NKX2-6: variants seen among roughly 807,000 people sequenced by gnomAD.
NKX2-6 encodes the protein NK2 homeobox 6, also known as homeobox protein Nkx-2.6.
A neutral mutation model predicts 8.6 loss-of-function variants in NKX2-6; 8 were observed. That is an observed-to-expected ratio of 0.93 (90% confidence interval 0.54 to 1.67). The LOEUF (loss-of-function observed/expected upper bound fraction) is 1.67, where lower values mean the gene tolerates loss of function less well. Ranked by LOEUF, NKX2-6 falls within the 40% of genes most tolerant of loss-of-function variation. The pLI, the probability that NKX2-6 is intolerant of heterozygous loss-of-function variation, is 0.00. For synonymous variants in NKX2-6, 210 were observed against 199.3 expected (o/e 1.05, Z -0.45); for missense variants, 475 against 423.1 (o/e 1.12, Z -1.08).
Position 23,701,847 on chromosome 8 carries a change from C to G in NKX2-6, c.*604G>C, listed in dbSNP as rs1272486001. On this transcript the variant is annotated 3_prime_UTR_variant, in exon 2 of 2. Coordinates refer to ENST00000325017, the MANE Select transcript of NKX2-6 (RefSeq NM_001136271.3). ...CTACTTCCAGGAGAGCAGTCGTGGC[C>G]AGAAAAGAGTGCTCCTCTGGATTAA... 6.6e-6 allele frequency among the ~76,000 whole-genome samples: 1 copy of G among 152,116 alleles called. No individual in the cohort carries two copies. The highest frequency in any genetic ancestry group is 1.5e-5 in the Non-Finnish European group (1 of 68,022).
At chr8:23,703,126 C>T (rs1382104458) in intron 1 of NKX2-6, 44 bp from the exon 2 acceptor site, 5 of 1,517,308 alleles carry the variant, frequency 3.3e-6, no homozygotes, top group Middle Eastern at 2.3e-4. Context: ...GCCTAAGGCT[C>T]ACCTGAGCGG....
rs61749320 is a variant in NKX2-6 at position 23,702,571 on chromosome 8, G to C, written c.786C>G (p.Gly262=). The part of the protein sequence containing the change: ...YGAGYGTCYA[G]APSGPAPHTP... ...TGTGTGGCGCAGGACCCGAGGGCGC[G>C]CCCGCGTAGCAGGTGCCGTAGCCTG... Residue 262 remains glycine, a synonymous_variant, in exon 2 of 2, where the codon GGC becomes GGG. Coordinates refer to ENST00000325017, the MANE Select transcript of NKX2-6 (RefSeq NM_001136271.3). 3.3e-3 allele frequency: 5,082 copies of C among 1,543,934 alleles called. 156 individuals carry two copies. In the African/African-American group the frequency reaches 0.063, roughly 19 times the overall value.
Position 23,706,712 on chromosome 8 carries a change from C to G in NKX2-6, c.-114G>C, listed in dbSNP as rs1358064396. ...AGACCCAAGCTCTGGGACAGACGCC[C>G]AGCGTCCCAGACAGCGCCTTCCTCT... On this transcript the variant is annotated 5_prime_UTR_variant, in exon 1 of 2. Coordinates refer to ENST00000325017, the MANE Select transcript of NKX2-6 (RefSeq NM_001136271.3). The G allele has an allele frequency of 3.3e-6, 4 of 1,212,228 alleles. No homozygotes were observed. The highest frequency in any genetic ancestry group is 4.5e-6 in the Non-Finnish European group (4 of 890,644). 75.1% of individuals were successfully genotyped at this position (1,212,228 alleles called of 1,614,324 possible). A position where few individuals can be genotyped will look rare whatever the true frequency, so the allele number is the denominator to read the frequency against.
intron 1 of NKX2-6, among the ~76,000 whole-genome samples, chr8:23,703,631 G>A (rs1166695693): frequency 1.3e-5 from 2 of 152,096 alleles, no homozygotes; most frequent in Middle Eastern, 3.2e-3. Context: ...GGGAGGCGGA[G>A]CTTGCAGTGA....
intron 1 of NKX2-6, among the ~76,000 whole-genome samples, chr8:23,704,108 C>T (rs879799783): frequency 6.6e-6 from 1 of 152,202 alleles, no homozygotes; most frequent in Non-Finnish European, 1.5e-5. Flanking sequence ...AGCGCTCCAC[C>T]AACACCAGGG....
chr8:23,702,234 C>G lies in NKX2-6; in HGVS notation c.*217G>C, dbSNP rs757662324. On this transcript the variant is annotated 3_prime_UTR_variant, in exon 2 of 2. Transcript: ENST00000325017. ...GTCCCTGTGTTGCTTGGTGGGTGACCGGTGGAGGGGTCTTCTTTTGGGGGA... is the reference window on the plus strand; with the variant it reads ...GTCCCTGTGTTGCTTGGTGGGTGACGGGTGGAGGGGTCTTCTTTTGGGGGA... 2.0e-5 allele frequency among the ~76,000 whole-genome samples: 3 copies of G among 152,168 alleles called. No individual in the cohort carries two copies. The highest frequency in any genetic ancestry group is 6.5e-5 in the Admixed American group (1 of 15,270).
intron 1 of NKX2-6, among the ~76,000 whole-genome samples, chr8:23,705,350 T>A (rs932979594): frequency 2.0e-5 from 3 of 152,226 alleles, no homozygotes; most frequent in Non-Finnish European, 4.4e-5. Flanking sequence ...TTTCTTTCGT[T>A]CGCGCCTTGA....
At position 23,702,506 on chromosome 8, in the gene NKX2-6, T is replaced by G; in HGVS notation, c.851A>C (p.Asn284Thr). 6.5e-7 allele frequency: 1 copy of G among 1,526,804 alleles called. No individual in the cohort carries two copies. Among genetic ancestry groups the G allele is most frequent in the Non-Finnish European group, 8.8e-7 (1 of 1,136,650 alleles). 94.6% of individuals were successfully genotyped at this position (1,526,804 alleles called of 1,614,324 possible). A position where few individuals can be genotyped will look rare whatever the true frequency, so the allele number is the denominator to read the frequency against. ...TGCCAGATGGCCCTGCGGGGTGGCA[T>G]TCTGGCCACCGTGTCCGAAGCCCGC... is the stretch of plus-strand genomic sequence containing the variant. ...ASAGFGHGGQ[N>T]ATPQGHLAAT... The change falls in exon 2 of 2, where the codon AAT (asparagine) becomes ACT (threonine). Residue 284 changes from asparagine to threonine, a missense_variant. Coordinates refer to ENST00000325017, the MANE Select transcript of NKX2-6 (RefSeq NM_001136271.3).
chr8:23,701,885 G>C lies in NKX2-6; in HGVS notation c.*566C>G, dbSNP rs1413148019. On this transcript the variant is annotated 3_prime_UTR_variant, in exon 2 of 2. Coordinates refer to ENST00000325017, the MANE Select transcript of NKX2-6 (RefSeq NM_001136271.3). ...TCCTCTGGATTAACGGAGTCCCCTG[G>C]GGCGCGGCCTTATGGGGATGTTTAA... 6.6e-6 allele frequency among the ~76,000 whole-genome samples: 1 copy of C among 152,136 alleles called. No homozygotes were observed. The highest frequency in any genetic ancestry group is 1.5e-5 in the Non-Finnish European group (1 of 68,034).
In NKX2-6 at chr8:23,706,343, C is replaced by T. The variant is rs981465849; in HGVS notation, c.256G>A (p.Glu86Lys). 1.3e-6 allele frequency: 2 copies of T among 1,550,062 alleles called. No individual in the cohort carries two copies. Among genetic ancestry groups the T allele is most frequent in the Non-Finnish European group, 1.7e-6 (2 of 1,145,808 alleles). ...TACTCACGTGGCTCCCCCATCCGTT[C>T]CGCGTCCATCTCCAAGACTGCCTCA... is the stretch of plus-strand genomic sequence containing the variant. ...PCEAVLEMDA[E>K]RMGEPQPGLN... Residue 86 changes from glutamate to lysine, a missense_variant, in exon 1 of 2, where the codon GAA becomes AAA. By Grantham distance (56) the Glu-to-Lys change is moderately conservative (BLOSUM62 1). Transcript: ENST00000325017.
intron 1 of NKX2-6, among the ~76,000 whole-genome samples, chr8:23,705,831 C>T (rs1290311568): frequency 6.6e-6 from 1 of 152,216 alleles, no homozygotes; most frequent in Non-Finnish European, 1.5e-5. Flanking sequence ...GGGGGGTCCC[C>T]CGACCAGACC....
intron 1 of NKX2-6, 129 bp from the exon 2 acceptor site, chr8:23,703,211 C>A (rs1801037695): frequency 9.2e-7 from 1 of 1,088,096 alleles, no homozygotes; most frequent in Non-Finnish European, 1.3e-6. Flanking sequence ...CCTCCTACTG[C>A]CCCCGAACCC....
Position 23,706,509 on chromosome 8 carries a change from T to G in NKX2-6, c.90A>C (p.Pro30=). The G allele has an allele frequency of 6.5e-7, 1 of 1,538,040 alleles. No individual in the cohort carries two copies. The highest frequency in any genetic ancestry group is 2.4e-5 in the East Asian group (1 of 40,896). The part of the protein sequence containing the change: ...ERERSCPAAS[P]HPRVRKSPEN... ...CCGGGCTCTTCCGCACCCGCGGATG[T>G]GGCGAAGCCGCGGGGCAGCTCCGCT... Residue 30 remains proline, a synonymous_variant, in exon 1 of 2, where the codon CCA becomes CCC. Coordinates refer to ENST00000325017, the MANE Select transcript of NKX2-6 (RefSeq NM_001136271.3).
At position 23,702,985 on chromosome 8, in the gene NKX2-6, C is replaced by A; in HGVS notation, c.372G>T (p.Ser124=). 6.5e-7 allele frequency: 1 copy of A among 1,542,604 alleles called. No individual in the cohort carries two copies. Residue 124 remains serine, a synonymous_variant, in exon 2 of 2, where the codon TCG becomes TCT. Transcript: ENST00000325017. ...GTCGTTGCCGCGCCTTGGGCTGCTC[C>A]GAGCGGCCACCCCGCACGCTGTCGC... ...NSGDSVRGGR[S]EQPKARQRRK... is the part of the protein sequence containing the mutation.
chr8:23,704,969 G>A (rs909125644), intron 1 of NKX2-6, among the ~76,000 whole-genome samples: 2 of 152,210 alleles, frequency 1.3e-5, no homozygotes, highest in Admixed American at 6.5e-5. Flanking sequence ...TGTCCGGATC[G>A]CTACCGCGGC....
In NKX2-6 at chr8:23,706,688, G is replaced by C; in HGVS notation, c.-90C>G. On this transcript the variant is annotated 5_prime_UTR_variant, in exon 1 of 2. Coordinates refer to ENST00000325017, the MANE Select transcript of NKX2-6 (RefSeq NM_001136271.3). ...CTTGTCGCTGCAGGCCCCGCAGACA[G>C]ACCCAAGCTCTGGGACAGACGCCCA... 1 of 1,369,062 alleles carries C rather than the reference G, an allele frequency of 7.3e-7. No homozygotes were observed. Among genetic ancestry groups the C allele is most frequent in the Non-Finnish European group, 9.8e-7 (1 of 1,023,176 alleles). 84.8% of individuals were successfully genotyped at this position (1,369,062 alleles called of 1,614,324 possible). A position where few individuals can be genotyped will look rare whatever the true frequency, so the allele number is the denominator to read the frequency against.
chr8:23,703,852 A>AGAGGAAGAGGAG (rs572128720), intron 1 of NKX2-6, among the ~76,000 whole-genome samples: 1 of 152,086 alleles, frequency 6.6e-6, no homozygotes, highest in Non-Finnish European at 1.5e-5. Flanking sequence ...AGAAAGAGGA[A>AGAGGAAGAGGAG]GAGGAAGAGG....
rs1801020281 is a variant in NKX2-6, at chr8:23,702,533, C to T, written c.824G>A (p.Ser275Asn). The T allele has an allele frequency of 6.5e-7, 1 of 1,539,668 alleles. No homozygotes were observed. Among genetic ancestry groups the T allele is most frequent in the Non-Finnish European group, 8.7e-7 (1 of 1,143,552 alleles). The change falls in exon 2 of 2, where the codon AGC (serine) becomes AAC (asparagine). Residue 275 changes from serine (S) to asparagine (N), a missense_variant. Coordinates refer to ENST00000325017, the MANE Select transcript of NKX2-6 (RefSeq NM_001136271.3). ...SGPAPHTPLA[S>N]AGFGHGGQNA... ...CTGGCCACCGTGTCCGAAGCCCGCGCTGGCCAGTGGTGTGTGTGGCGCAGG... is the reference window on the plus strand; with the variant it reads ...CTGGCCACCGTGTCCGAAGCCCGCGTTGGCCAGTGGTGTGTGTGGCGCAGG...
intron 1 of NKX2-6, 34 bp from the exon 2 acceptor site, chr8:23,703,116 G>C (rs1353224452): frequency 6.5e-7 from 1 of 1,528,088 alleles, no homozygotes; most frequent in South Asian, 1.2e-5. Context: ...TCAGCGCCCA[G>C]CCTAAGGCTC....
Sources: gnomAD v4.1 joint callset for allele counts (sites outside exome capture counted in the v4.1 genomes callset) on GRCh38, gnomAD v4.1.1 for gene constraint, MANE v1.5 for transcripts, NCBI Gene and HGNC (gene_info 2026-07-23, HGNC 2026-07-21) for gene names.